The following GPAM variants were observed in gnomAD, a reference collection of about 807,000 sequenced individuals.
GPAM encodes glycerol-3-phosphate acyltransferase, mitochondrial.
Under a neutral mutation model 105.0 loss-of-function variants are expected in GPAM, and 56 were observed. The ratio of observed to expected loss-of-function variants is 0.53; its 90% confidence interval spans 0.43 to 0.67. GPAM has a LOEUF of 0.67. GPAM is among the 30% of genes least tolerant of loss of function. The pLI is 0.00. For synonymous variants in GPAM, 368 were observed against 354.4 expected, an observed-to-expected ratio of 1.04 and a Z score of -0.43; for missense variants, 855 against 989.8, an observed-to-expected ratio of 0.86 and a Z score of 1.83.
chr10:112,169,843 C>T (rs1225630501), intron 9 of GPAM, among the ~76,000 whole-genome samples: 2 of 152,170 alleles, frequency 1.3e-5, no homozygotes, highest in East Asian at 3.9e-4. Context: ...GCTCCGCCTC[C>T]TGTCAGATCA....
At position 112,155,971 on chromosome 10, in the gene GPAM, G is replaced by A. The variant is rs1847010447; in HGVS notation, c.2204C>T (p.Ala735Val). 2 of 1,611,200 alleles carry A rather than the reference G, an allele frequency of 1.2e-6. No individual in the cohort carries two copies. The highest frequency in any genetic ancestry group is 2.2e-5 in the East Asian group (1 of 44,864). ...ACTGAAGTTGTGAACAAAGATGGCA[G>A]CAGAGCTGTAGGCCTCCAGCAAAGG... The part of the protein sequence containing the change: ...LGPLLEAYSS[A>V]AIFVHNFSGP... Residue 735 changes from alanine to valine, a missense_variant, in exon 20 of 22, where the codon GCT (alanine) becomes GTT (valine). By Grantham distance (64) the Ala-to-Val change is moderately conservative. Coordinates refer to ENST00000348367, the MANE Select transcript of GPAM (RefSeq NM_001244949.2).
intron 6 of GPAM, among the ~76,000 whole-genome samples, chr10:112,174,581 A>C (rs1847370652): frequency 6.6e-6 from 1 of 152,228 alleles, no homozygotes; most frequent in Non-Finnish European, 1.5e-5. Flanking sequence ...AAGAAAACAG[A>C]ATATATAATA....
intron 3 of GPAM, among the ~76,000 whole-genome samples, chr10:112,181,434 T>C (rs1847505641): frequency 6.6e-6 from 1 of 152,088 alleles, no homozygotes; most frequent in Non-Finnish European, 1.5e-5. Flanking sequence ...AAACTACTAC[T>C]AGGGTTTTTT....
chr10:112,209,957 G>T (rs2133305005), intron 1 of GPAM, among the ~76,000 whole-genome samples: 1 of 152,310 alleles, frequency 6.6e-6, no homozygotes, highest in East Asian at 1.9e-4. Context: ...CTAAGCAAGT[G>T]CACCCAGGCA....
At chr10:112,173,587 T>C (rs1163139678) in intron 7 of GPAM, 112 bp downstream of exon 7, 30 of 1,068,714 alleles carry the variant, frequency 2.8e-5, no homozygotes, top group Non-Finnish European at 5.8e-6. Flanking sequence ...CAGGATTCAT[T>C]AAAACATCTT....
intron 1 of GPAM, among the ~76,000 whole-genome samples, chr10:112,195,221 C>G (rs576228009): frequency 2.8e-4 from 42 of 152,316 alleles, no homozygotes; most frequent in African/African-American, 9.9e-4. Flanking sequence ...CCAAATACCC[C>G]CATCGCTCTC....
In GPAM at chr10:112,175,710, G is replaced by A; in HGVS notation, c.303C>T (p.His101=). 1.9e-6 allele frequency: 3 copies of A among 1,600,602 alleles called. No individual in the cohort carries two copies. Among genetic ancestry groups the A allele is most frequent in the African/African-American group, 2.7e-5 (2 of 74,790 alleles). The change falls in exon 6 of 22, where the codon CAC becomes CAT. Residue 101 remains histidine, a synonymous_variant. Coordinates refer to ENST00000348367, the MANE Select transcript of GPAM (RefSeq NM_001244949.2). ...VIYINETHTR[H]RGWLARRLSY... ...AAAGGCGTCTTGCAAGCCATCCGCG[G>A]TGTCTGTGAAAATGATTTAGCAGAG...
intron 9 of GPAM, among the ~76,000 whole-genome samples, chr10:112,171,520 C>G (rs1847312524): frequency 2.0e-5 from 3 of 152,102 alleles, no homozygotes; most frequent in Admixed American, 2.0e-4. Context: ...TTGTTTTGAT[C>G]CAGCTTTCAC....
In GPAM at chr10:112,152,709, A is replaced by C. The variant is rs1364780248; in HGVS notation, c.*841T>G. The C allele has an allele frequency of 2.1e-5, 21 of 984,180 alleles. No individual in the cohort carries two copies. Among genetic ancestry groups the C allele is most frequent in the Non-Finnish European group, 2.4e-5 (20 of 828,886 alleles). The allele number at this position is 984,180 out of a possible 1,614,324, so 61.0% of individuals were successfully genotyped here. A position where few individuals can be genotyped will look rare whatever the true frequency, so the allele number is the denominator to read the frequency against. On this transcript the variant is annotated 3_prime_UTR_variant, in exon 22 of 22. Transcript: ENST00000348367. The stretch of plus-strand genomic sequence containing the variant: ...ACCTGTGAGAGGCAGGTATTACCTG[A>C]GGGGTGGACGAGGTACAGACATAAA...
At chr10:112,195,933 G>C (rs1402004369) in intron 1 of GPAM, among the ~76,000 whole-genome samples, 1 of 152,192 alleles carries the variant, frequency 6.6e-6, no homozygotes, top group East Asian at 1.9e-4. Flanking sequence ...ATCTAAGGTA[G>C]ACAGCAGAGT....
At chr10:112,225,709 C>T in the GPAM span, among the ~76,000 whole-genome samples, 1 of 152,200 alleles carries the variant, frequency 6.6e-6, no homozygotes, top group Non-Finnish European at 1.5e-5. Context: ...CACCCAGCAT[C>T]TCTGTCCCTG....
intron 18 of GPAM, among the ~76,000 whole-genome samples, 173 bp from the exon 19 acceptor site, chr10:112,157,562 G>C (rs551020802): frequency 3.3e-5 from 5 of 152,176 alleles, no homozygotes; most frequent in Non-Finnish European, 7.3e-5. Context: ...TCAGGAGACA[G>C]CAGGAGACAA....
chr10:112,184,262 G>T (rs1477311144), upstream of GPAM, among the ~76,000 whole-genome samples: 1 of 152,174 alleles, frequency 6.6e-6, no homozygotes, highest in African/African-American at 2.4e-5. Context: ...AAAAGCCTCA[G>T]TTAGGAGAAA....
chr10:112,161,773 T>A, intron 14 of GPAM, 36 bp from the exon 15 acceptor site: 1 of 1,550,212 alleles, frequency 6.5e-7, no homozygotes, highest in Non-Finnish European at 8.9e-7. Flanking sequence ...TTAGTTGCAC[T>A]TTTTACAAAC....
At chr10:112,220,464 C>G in the GPAM span, among the ~76,000 whole-genome samples, 1 of 150,870 alleles carries the variant, frequency 6.6e-6, no homozygotes, top group Non-Finnish European at 1.5e-5. Context: ...GAATACATCT[C>G]TGTGTGCACA....
At chr10:112,200,302 G>C (rs1001332597) in intron 1 of GPAM, among the ~76,000 whole-genome samples, 1 of 147,628 alleles carries the variant, frequency 6.8e-6, no homozygotes, top group Non-Finnish European at 1.5e-5. Context: ...ACTGTTGATC[G>C]TTTTTGAGAC....
chr10:112,154,516 G>A, intron 21 of GPAM, 113 bp downstream of exon 21: 5 of 796,502 alleles, frequency 6.3e-6, no homozygotes, highest in East Asian at 2.6e-5. Flanking sequence ...CATTAAGCCA[G>A]CAGAAACTGC....
chr10:112,181,949 C>T (rs1366881274), intron 2 of GPAM, 136 bp from the exon 3 acceptor site: 1 of 619,966 alleles, frequency 1.6e-6, no homozygotes, highest in African/African-American at 1.8e-5. Flanking sequence ...CATGTTGAGT[C>T]ACAAGGTAAA....
chr10:112,210,298 T>C (rs543640081), intron 1 of GPAM, among the ~76,000 whole-genome samples: 12 of 152,330 alleles, frequency 7.9e-5, no homozygotes, highest in African/African-American at 2.9e-4. Context: ...TTGCATAGCA[T>C]CTCTGTCCCT....
Sources: allele counts gnomAD v4.1 joint callset (sites outside exome capture counted in the v4.1 genomes callset), GRCh38; gene constraint gnomAD v4.1.1; transcripts MANE v1.5; gene names NCBI Gene and HGNC (gene_info 2026-07-23, HGNC 2026-07-21).